The following DMRT1 variants were observed in gnomAD, a reference collection of about 807,000 sequenced individuals.
The protein encoded by DMRT1 is doublesex- and mab-3-related transcription factor 1.
In DMRT1, 7 loss-of-function variants were observed where a neutral mutation model predicts 32.3. The ratio of observed to expected loss-of-function variants is 0.22; its 90% CI spans 0.12 to 0.41. The LOEUF is 0.41. Among genes scored for constraint, DMRT1 ranks in the 10% least tolerant of loss-of-function variants. DMRT1 has a pLI of 1.00. For missense variants in DMRT1, 625 were observed against 500.5 expected (o/e 1.25, Z -2.37); for synonymous variants, 278 against 206.1 (o/e 1.35, Z -2.99).
At chr9:863,102 C>G (rs1469370647) in intron 2 of DMRT1, among the ~76,000 whole-genome samples, 1 of 140,514 alleles carries the variant, frequency 7.1e-6, no homozygotes, top group Non-Finnish European at 1.5e-5. Flanking sequence ...ATTGCTTAAG[C>G]TCAGGAGTTT....
At chr9:865,802 C>T (rs1298874622) in intron 2 of DMRT1, among the ~76,000 whole-genome samples, 1 of 152,072 alleles carries the variant, frequency 6.6e-6, no homozygotes, top group Non-Finnish European at 1.5e-5. Flanking sequence ...CTTTTCATGA[C>T]CTTCTTTTTC....
intron 3 of DMRT1, among the ~76,000 whole-genome samples, chr9:909,823 C>G (rs899776702): frequency 1.8e-4 from 28 of 152,106 alleles, no homozygotes; most frequent in African/African-American, 6.5e-4. Context: ...AGCGATCCTC[C>G]CACATCAGCC....
intron 2 of DMRT1, among the ~76,000 whole-genome samples, chr9:872,313 G>A (rs909675477): frequency 5.3e-5 from 8 of 152,046 alleles, no homozygotes; most frequent in Non-Finnish European, 1.2e-4. Flanking sequence ...CACCCGCCTT[G>A]GCCTCCCAAA....
intron 4 of DMRT1, among the ~76,000 whole-genome samples, chr9:948,391 A>G (rs941852174): frequency 4.6e-5 from 7 of 152,288 alleles, no homozygotes; most frequent in Middle Eastern, 3.4e-3. Flanking sequence ...CTACTGGGAA[A>G]AACGAGATTT....
At chr9:929,352 G>C (rs763206624) in intron 4 of DMRT1, among the ~76,000 whole-genome samples, 1 of 152,006 alleles carries the variant, frequency 6.6e-6, no homozygotes, top group Non-Finnish European at 1.5e-5. Flanking sequence ...GGCTGGACTC[G>C]AGCTCCTAGG....
At position 943,795 on chromosome 9, in the gene DMRT1, C is replaced by T. The variant is rs192475734; in HGVS notation, c.968-24190C>T. Among the ~76,000 whole-genome samples, 52 of 152,194 alleles carry T rather than the reference C, an allele frequency of 3.4e-4. No homozygotes were observed. The East Asian group carries it at 6.4e-3, about 19-fold the overall frequency. ...GAGGATTTATTTTTGTAAGAAAAGC[C>T]GCAAAAGCACAATGGGAAAGAAGTT... On this transcript the variant is annotated intron_variant, in intron 4 of 4. Coordinates refer to ENST00000382276, the MANE Select transcript of DMRT1 (RefSeq NM_021951.3).
intron 4 of DMRT1, among the ~76,000 whole-genome samples, chr9:940,220 C>T (rs1721884179): frequency 6.6e-6 from 1 of 151,968 alleles, no homozygotes; most frequent in South Asian, 2.1e-4. Context: ...GATATATATC[C>T]AGAAGAACTG....
At chr9:843,357 G>T (rs1252982288) in intron 1 of DMRT1, among the ~76,000 whole-genome samples, 2 of 152,240 alleles carry the variant, frequency 1.3e-5, no homozygotes, top group Non-Finnish European at 2.9e-5. Context: ...GTGGATGGAG[G>T]CTGAGCGCCT....
At chr9:850,112 C>T (rs905971691) in intron 2 of DMRT1, among the ~76,000 whole-genome samples, 2 of 152,186 alleles carry the variant, frequency 1.3e-5, no homozygotes, top group Non-Finnish European at 2.9e-5. Flanking sequence ...AGCCACCACG[C>T]CCAGCTGACA....
chr9:926,639 C>A (rs2370161), intron 4 of DMRT1, among the ~76,000 whole-genome samples: 2 of 151,756 alleles, frequency 1.3e-5, no homozygotes, highest in African/African-American at 4.8e-5. Flanking sequence ...AGCAACTACA[C>A]AGAGGTTTTC....
chr9:844,983 G>A (rs58083655), intron 1 of DMRT1, among the ~76,000 whole-genome samples: 6,328 of 151,766 alleles, frequency 0.042, 405 homozygotes, highest in African/African-American at 0.14. Context: ...CGGCTTCCCA[G>A]AGTGCTGGGA....
At chr9:920,276 G>C (rs549433320) in intron 4 of DMRT1, among the ~76,000 whole-genome samples, 3 of 152,290 alleles carry the variant, frequency 2.0e-5, no homozygotes, top group East Asian at 1.9e-4. Context: ...GACTGAGCCT[G>C]CGTGTCTCCA....
At chr9:905,839 A>T (rs545096619) in intron 3 of DMRT1, among the ~76,000 whole-genome samples, 1 of 152,124 alleles carries the variant, frequency 6.6e-6, no homozygotes, top group South Asian at 2.1e-4. Flanking sequence ...GTAGCTAGCT[A>T]GTACTGCACG....
chr9:875,228 G>A (rs946112753), intron 2 of DMRT1, among the ~76,000 whole-genome samples: 1 of 152,148 alleles, frequency 6.6e-6, no homozygotes, highest in East Asian at 1.9e-4. Flanking sequence ...CTTAAAACCA[G>A]TATTGTTTCC....
In DMRT1 at chr9:965,119, C is replaced by T. The variant is rs1027420770; in HGVS notation, c.968-2866C>T. Reference sequence around the variant, plus strand: ...AAATGGAAAAGGTACCTCTGAGGGACGATCTTTAAGGATGGTAGTAAAAGT... The same window carrying T: ...AAATGGAAAAGGTACCTCTGAGGGATGATCTTTAAGGATGGTAGTAAAAGT... On this transcript the variant is annotated intron_variant, in intron 4 of 4. Transcript: ENST00000382276. The surrounding 1 kb of genome is among the most constrained non-coding windows in gnomAD (Gnocchi z 4.5). Among the ~76,000 whole-genome samples the T allele has an allele frequency of 3.9e-5, 6 of 152,146 alleles. No homozygotes were observed. The highest frequency in any genetic ancestry group is 9.7e-5 in the African/African-American group (4 of 41,438).
Position 954,610 on chromosome 9 carries a change from G to T in DMRT1, c.968-13375G>T, listed in dbSNP as rs1021903995. Among the ~76,000 whole-genome samples the T allele has an allele frequency of 2.5e-4, 37 of 149,626 alleles. 1 individual carries two copies. Among genetic ancestry groups the T allele is most frequent in the African/African-American group, 8.0e-4 (32 of 40,024 alleles). ...GAAGTTGGTAGGTTCAGTTTTTTTT[G>T]TTTGTTTTTTTGTTGTTGTTGTTTG... On this transcript the variant is annotated intron_variant, in intron 4 of 4. Coordinates refer to ENST00000382276, the MANE Select transcript of DMRT1 (RefSeq NM_021951.3).
chr9:883,133 C>G (rs62531239), intron 2 of DMRT1, among the ~76,000 whole-genome samples: 4,969 of 151,934 alleles, frequency 0.033, 127 homozygotes, highest in Middle Eastern at 0.082. Flanking sequence ...GCCATCTGTC[C>G]CACATTGACG....
intron 3 of DMRT1, among the ~76,000 whole-genome samples, chr9:901,959 C>T (rs1160761746): frequency 7.1e-6 from 1 of 140,394 alleles, no homozygotes; most frequent in Non-Finnish European, 1.5e-5. Context: ...GTTGCCCAGG[C>T]TAGAGTGCAG....
intron 3 of DMRT1, among the ~76,000 whole-genome samples, chr9:897,931 G>A (rs1292967550): frequency 6.6e-6 from 1 of 152,084 alleles, no homozygotes; most frequent in African/African-American, 2.4e-5. Flanking sequence ...ATGCCCTTAG[G>A]AAATAGAAAA....
Sources: gnomAD v4.1 joint callset for allele counts (sites outside exome capture counted in the v4.1 genomes callset) on GRCh38, gnomAD v4.1.1 for gene constraint, Gnocchi (gnomAD v3.1) non-coding constraint, MANE v1.5 for transcripts, NCBI Gene and HGNC (gene_info 2026-07-23, HGNC 2026-07-21) for gene names.